Variants in COL28A1 observed in about 807,000 individuals in gnomAD.
COL28A1 encodes collagen alpha-1(XXVIII) chain.
In COL28A1, 161 loss-of-function variants were observed where a neutral mutation model predicts 150.2. The ratio of observed to expected loss-of-function variants is 1.07; its 90% CI spans 0.94 to 1.22. The LOEUF (loss-of-function observed/expected upper bound fraction) is 1.22. COL28A1 is among the 50% of genes most tolerant of loss of function. The probability of loss-of-function intolerance (pLI) is 0.00; values close to 1 mark genes in which losing one functional copy is unlikely to be tolerated. For missense variants in COL28A1, 1,617 were observed against 1,388.3 expected (o/e 1.16, Z -2.62); for synonymous variants, 552 against 469.7 (o/e 1.18, Z -2.26).
At chr7:7,509,311 C>G (rs961903621) in intron 9 of COL28A1, among the ~76,000 whole-genome samples, 7 of 151,894 alleles carry the variant, frequency 4.6e-5, no homozygotes, top group African/African-American at 1.5e-4. Context: ...TTTGTAGAGA[C>G]GGGGCCTCAC....
In COL28A1 at chr7:7,373,704, TC is replaced by T. The variant is rs1406615953; in HGVS notation, c.2360-159del. On this transcript the variant is annotated intron_variant, in intron 31 of 34. Coordinates refer to ENST00000399429, the MANE Select transcript of COL28A1 (RefSeq NM_001037763.3). This position sits in a 1 kb window ranked among gnomAD's most constrained non-coding sequence, Gnocchi z 4.1. Reference sequence around the variant, plus strand: ...CCTGACAGCTGTCTCCATTCTGGTTTCTTTTTTTTTTTGTGAGACAGAGTCT... The same window carrying T: ...CCTGACAGCTGTCTCCATTCTGGTTTTTTTTTTTTTTGTGAGACAGAGTCT... 2.4e-4 allele frequency among the ~76,000 whole-genome samples: 19 copies of T among 78,730 alleles called. No individual in the cohort carries two copies. Among genetic ancestry groups the T allele is most frequent in the African/African-American group, 5.2e-4 (17 of 32,666 alleles). The allele number at this position is 78,730 out of a possible 152,430, so 51.6% of individuals were successfully genotyped here. A position where few individuals can be genotyped will look rare whatever the true frequency, so the allele number is the denominator to read the frequency against.
intron 15 of COL28A1, among the ~76,000 whole-genome samples, chr7:7,463,861 A>G (rs1787837367): frequency 6.6e-6 from 1 of 152,200 alleles, no homozygotes; most frequent in Non-Finnish European, 1.5e-5. Flanking sequence ...CTTAAAATAC[A>G]TAGAATTGCA....
chr7:7,382,615 T>C (rs1451644433), intron 27 of COL28A1, among the ~76,000 whole-genome samples: 1 of 152,154 alleles, frequency 6.6e-6, no homozygotes. Flanking sequence ...GATCTTATAC[T>C]CAATCCTTAT....
intron 3 of COL28A1, among the ~76,000 whole-genome samples, chr7:7,525,726 A>C (rs1781989717): frequency 6.6e-6 from 1 of 152,222 alleles, no homozygotes; most frequent in Non-Finnish European, 1.5e-5. Context: ...AAAATGCTTT[A>C]ATGATTTAAT....
At chr7:7,362,204 T>C (rs1683048933) in intron 33 of COL28A1, among the ~76,000 whole-genome samples, 1 of 152,116 alleles carries the variant, frequency 6.6e-6, no homozygotes, top group Non-Finnish European at 1.5e-5. Context: ...TCAGTCATTC[T>C]TGACAATTAC....
downstream of COL28A1, among the ~76,000 whole-genome samples, chr7:7,351,935 T>C (rs1156652225): frequency 6.6e-6 from 1 of 152,154 alleles, no homozygotes; most frequent in African/African-American, 2.4e-5. Context: ...TGTCTCATTC[T>C]ACTCTCTTTC....
At chr7:7,340,975 G>A in the COL28A1 span, among the ~76,000 whole-genome samples, 5 of 152,126 alleles carry the variant, frequency 3.3e-5, no homozygotes, top group African/African-American at 1.2e-4. Flanking sequence ...TCCAGGCTAA[G>A]GTCCAAGCCC....
At chr7:7,418,892 C>T (rs1043220712) in intron 26 of COL28A1, among the ~76,000 whole-genome samples, 1 of 152,052 alleles carries the variant, frequency 6.6e-6, no homozygotes, top group African/African-American at 2.4e-5. Context: ...AGCATACCGC[C>T]AAAATTGAGT....
At chr7:7,394,994 GA>G (rs1426052661) in intron 27 of COL28A1, among the ~76,000 whole-genome samples, 1 of 152,078 alleles carries the variant, frequency 6.6e-6, no homozygotes, top group African/African-American at 2.4e-5. Context: ...GAAGTTGAGA[GA>G]AAAAAACAGC....
intron 18 of COL28A1, among the ~76,000 whole-genome samples, chr7:7,449,596 G>A (rs1409277404): frequency 6.6e-6 from 1 of 151,890 alleles, no homozygotes; most frequent in Non-Finnish European, 1.5e-5. Flanking sequence ...CAGACAGTAT[G>A]ATTGTGTACA....
At chr7:7,377,017 C>A (rs556131048) in intron 30 of COL28A1, among the ~76,000 whole-genome samples, 1 of 152,102 alleles carries the variant, frequency 6.6e-6, no homozygotes, top group Non-Finnish European at 1.5e-5. Flanking sequence ...TTAAATTACA[C>A]GAATTAAATT....
intron 11 of COL28A1, among the ~76,000 whole-genome samples, chr7:7,494,002 C>G (rs951443779): frequency 6.6e-6 from 1 of 151,996 alleles, no homozygotes; most frequent in Non-Finnish European, 1.5e-5. Context: ...ATCAGTAGCC[C>G]CAGAAAGAAT....
downstream of COL28A1, among the ~76,000 whole-genome samples, chr7:7,355,905 G>T (rs1219002428): frequency 1.3e-5 from 2 of 152,122 alleles, no homozygotes; most frequent in African/African-American, 4.8e-5. Flanking sequence ...CAGCAACAGT[G>T]GCAGAATACT....
At chr7:7,441,618 A>G (rs1385295850) in intron 20 of COL28A1, among the ~76,000 whole-genome samples, 2 of 152,066 alleles carry the variant, frequency 1.3e-5, no homozygotes, top group African/African-American at 4.8e-5. Context: ...AAGTTGAGCA[A>G]CAGAATCACC....
upstream of COL28A1, among the ~76,000 whole-genome samples, chr7:7,537,445 T>G (rs1782683634): frequency 6.6e-6 from 1 of 152,220 alleles, no homozygotes; most frequent in Non-Finnish European, 1.5e-5. Flanking sequence ...AAAATGACAT[T>G]GAACAAAATA....
At chr7:7,342,739 T>C in the COL28A1 span, among the ~76,000 whole-genome samples, 2 of 152,172 alleles carry the variant, frequency 1.3e-5, no homozygotes, top group African/African-American at 2.4e-5. Flanking sequence ...TACATTACCA[T>C]TGTTTTGCAT....
intron 15 of COL28A1, among the ~76,000 whole-genome samples, chr7:7,461,140 C>T (rs1041203765): frequency 2.0e-5 from 3 of 152,214 alleles, no homozygotes; most frequent in Non-Finnish European, 2.9e-5. Flanking sequence ...CACATACCCC[C>T]ACTGGGGAAC....
intron 27 of COL28A1, among the ~76,000 whole-genome samples, chr7:7,406,618 G>T (rs1481933638): frequency 2.0e-5 from 3 of 152,128 alleles, no homozygotes; most frequent in African/African-American, 7.2e-5. Context: ...GTGGTCAAGG[G>T]TGGTCTCTCT....
chr7:7,404,443 C>A (rs1251983442), intron 27 of COL28A1, among the ~76,000 whole-genome samples: 1 of 152,086 alleles, frequency 6.6e-6, no homozygotes, highest in Non-Finnish European at 1.5e-5. Context: ...TAGGCCCACC[C>A]CAAATTCACT....
Sources: gnomAD v4.1 joint callset for allele counts (sites outside exome capture counted in the v4.1 genomes callset) on GRCh38, gnomAD v4.1.1 for gene constraint, Gnocchi (gnomAD v3.1) non-coding constraint, MANE v1.5 for transcripts, NCBI Gene and HGNC (gene_info 2026-07-23, HGNC 2026-07-21) for gene names.